Variants in FLACC1 observed in about 807,000 individuals in gnomAD.
The protein encoded by FLACC1 is flagellum-associated coiled-coil domain-containing protein 1.
Under a neutral mutation model 62.8 loss-of-function variants are expected in FLACC1, and 66 were observed. The observed-to-expected ratio is 1.05, with a 90% CI of 0.86 to 1.29. The LOEUF is 1.29. FLACC1 is among the 50% of genes most tolerant of loss of function. FLACC1 has a pLI of 0.00. For synonymous variants in FLACC1, 156 were observed against 161.0 expected, an observed-to-expected ratio of 0.97 and a Z score of 0.24; for missense variants, 452 against 489.1, an observed-to-expected ratio of 0.92 and a Z score of 0.71.
chr2:201,363,013 A>T, the FLACC1 span, among the ~76,000 whole-genome samples: 1 of 152,136 alleles, frequency 6.6e-6, no homozygotes, highest in Non-Finnish European at 1.5e-5. Context: ...ACCTGGAACT[A>T]GTCTGCATAT....
At chr2:201,299,215 C>T (rs1188866321) in intron 12 of FLACC1, 23 bp downstream of exon 12, 2 of 1,606,600 alleles carry the variant, frequency 1.2e-6, no homozygotes, top group Non-Finnish European at 1.7e-6. Flanking sequence ...ACCAAGTCCA[C>T]AGGAAAGGAT....
intron 9 of FLACC1, among the ~76,000 whole-genome samples, chr2:201,329,969 G>C (rs1390483642): frequency 6.6e-6 from 1 of 152,064 alleles, no homozygotes; most frequent in Non-Finnish European, 1.5e-5. Flanking sequence ...CAAGCAATTG[G>C]AAACAACTCA....
At chr2:201,302,688 A>T (rs1950011113) in intron 11 of FLACC1, among the ~76,000 whole-genome samples, 1 of 152,066 alleles carries the variant, frequency 6.6e-6, no homozygotes, top group Non-Finnish European at 1.5e-5. Flanking sequence ...GAAGTAAAGC[A>T]CTCCTCAGCA....
upstream of FLACC1, among the ~76,000 whole-genome samples, chr2:201,358,102 C>T (rs1576490099): frequency 6.6e-6 from 1 of 152,198 alleles, no homozygotes; most frequent in African/African-American, 2.4e-5. Flanking sequence ...CTCAACTTCA[C>T]ATTTGTTGTC....
chr2:201,333,574 T>C (rs1950635528), intron 7 of FLACC1, among the ~76,000 whole-genome samples: 1 of 96,346 alleles, frequency 1.0e-5, no homozygotes, highest in Non-Finnish European at 1.9e-5. Context: ...CCCATAACAG[T>C]CCCCAGAGTG....
intron 7 of FLACC1, among the ~76,000 whole-genome samples, chr2:201,341,114 G>A (rs1220423271): frequency 6.6e-6 from 1 of 151,938 alleles, no homozygotes; most frequent in Non-Finnish European, 1.5e-5. Context: ...ATTTGATTAG[G>A]AGCAGGTGCA....
At chr2:201,305,933 G>A (rs1353137037) in intron 11 of FLACC1, among the ~76,000 whole-genome samples, 2 of 147,220 alleles carry the variant, frequency 1.4e-5, no homozygotes, top group African/African-American at 2.5e-5. Flanking sequence ...AGGGCCAGTT[G>A]TGGGGTGGGG....
intron 9 of FLACC1, among the ~76,000 whole-genome samples, chr2:201,329,732 C>T (rs1215185728): frequency 2.0e-5 from 3 of 152,014 alleles, no homozygotes; most frequent in South Asian, 2.1e-4. Flanking sequence ...ACACTGGGGG[C>T]TATTGGGAGA....
At chr2:201,340,118 T>A (rs1950777565) in intron 7 of FLACC1, among the ~76,000 whole-genome samples, 1 of 152,176 alleles carries the variant, frequency 6.6e-6, no homozygotes, top group African/African-American at 2.4e-5. Flanking sequence ...GGAGTGCTCA[T>A]GTGCCTTACA....
At chr2:201,334,042 C>G (rs1027271888) in intron 7 of FLACC1, among the ~76,000 whole-genome samples, 19 of 152,292 alleles carry the variant, frequency 1.2e-4, no homozygotes, top group African/African-American at 3.6e-4. Flanking sequence ...GTGTAAAACT[C>G]TTCCTATTTC....
In FLACC1 at chr2:201,331,567, C is replaced by T. The variant is rs143262804; in HGVS notation, c.525-734G>A. ...TCAAGCATGAAAAGACATGGAGGAA[C>T]CTTTAAAGCATATTACTAAGTGAAG... On this transcript the variant is annotated intron_variant, in intron 7 of 14. Transcript: ENST00000392257. Among the ~76,000 whole-genome samples, 25 of 152,190 alleles carry T rather than the reference C, an allele frequency of 1.6e-4. 1 individual carries two copies. In the East Asian group the frequency reaches 4.8e-3, roughly 29 times the overall value.
upstream of FLACC1, among the ~76,000 whole-genome samples, chr2:201,359,156 C>T (rs541597998): frequency 6.6e-6 from 1 of 152,126 alleles, no homozygotes; most frequent in East Asian, 1.9e-4. Context: ...CTGGGATGAG[C>T]GAAAAGGAGA....
intron 5 of FLACC1, among the ~76,000 whole-genome samples, chr2:201,344,608 G>A (rs1017496304): frequency 2.0e-5 from 3 of 152,162 alleles, no homozygotes; most frequent in Admixed American, 2.0e-4. Flanking sequence ...AACAGAGGAC[G>A]AAGTTCAGAG....
chr2:201,338,613 C>G (rs759468132), intron 7 of FLACC1, among the ~76,000 whole-genome samples: 16 of 152,020 alleles, frequency 1.1e-4, no homozygotes, highest in Non-Finnish European at 1.8e-4. Context: ...ATTTTTTAAT[C>G]ATGAAGCAAT....
Position 201,326,956 on chromosome 2 carries a change from G to T in FLACC1, c.675+3514C>A, listed in dbSNP as rs1411189767. ...AGGCTATAGTTACCAAAACAGCATG[G>T]TACTGGTATAAAAGTAGGCACATAG... On this transcript the variant is annotated intron_variant, in intron 9 of 14. Coordinates refer to ENST00000392257, the MANE Select transcript of FLACC1 (RefSeq NM_001127391.3). This position sits in a 1 kb window ranked among gnomAD's most constrained non-coding sequence, Gnocchi z 4.1. Among the ~76,000 whole-genome samples, 1 of 152,106 alleles carries T rather than the reference G, an allele frequency of 6.6e-6. No homozygotes were observed. The highest frequency in any genetic ancestry group is 2.4e-5 in the African/African-American group (1 of 41,442).
intron 11 of FLACC1, among the ~76,000 whole-genome samples, chr2:201,301,859 A>C (rs1949992087): frequency 6.6e-6 from 1 of 152,224 alleles, no homozygotes; most frequent in African/African-American, 2.4e-5. Context: ...AAGGAGACAT[A>C]AAATCCTTTA....
intron 5 of FLACC1, among the ~76,000 whole-genome samples, chr2:201,345,654 T>C (rs1405851493): frequency 6.6e-6 from 1 of 151,858 alleles, no homozygotes; most frequent in African/African-American, 2.4e-5. Context: ...AAGATATGAA[T>C]AAGAGATTAA....
At chr2:201,289,356 ACTAGGGAGCAGTTGGT>A in intron 14 of FLACC1, 85 bp downstream of exon 14, 14 of 1,093,334 alleles carry the variant, frequency 1.3e-5, no homozygotes, top group Non-Finnish European at 1.9e-5. Flanking sequence ...CCTTGACATA[ACTAGGGAGCAGTTGGT>A]CTATCTTCCT....
chr2:201,341,067 G>A (rs1443553558), intron 7 of FLACC1, among the ~76,000 whole-genome samples: 3 of 152,086 alleles, frequency 2.0e-5, no homozygotes, highest in Admixed American at 6.6e-5. Flanking sequence ...ATTATTATGT[G>A]TCTTGGTGTA....
Sources: allele counts gnomAD v4.1 joint callset (sites outside exome capture counted in the v4.1 genomes callset), GRCh38; gene constraint gnomAD v4.1.1; non-coding constraint Gnocchi (gnomAD v3.1); transcripts MANE v1.5; gene names NCBI Gene and HGNC (gene_info 2026-07-23, HGNC 2026-07-21).